The following TEX14 variants were observed in gnomAD, a reference collection of about 807,000 sequenced individuals.
TEX14 encodes inactive serine/threonine-protein kinase TEX14.
TEX14 carries 168 observed loss-of-function variants against 178.6 expected under a neutral mutation model. That is an observed-to-expected ratio of 0.94 (90% CI 0.83 to 1.07). The LOEUF (loss-of-function observed/expected upper bound fraction) is 1.07, where lower values mean the gene tolerates loss of function less well. TEX14 is among the 50% of genes least tolerant of loss of function. The pLI, the probability that TEX14 is intolerant of heterozygous loss-of-function variation, is 0.00. For missense variants in TEX14, 1,730 were observed against 1,753.6 expected (o/e 0.99, Z 0.24); for synonymous variants, 626 against 634.1 (o/e 0.99, Z 0.19).
At chr17:58,606,546 G>T (rs2045611241) in intron 10 of TEX14, among the ~76,000 whole-genome samples, 1 of 152,102 alleles carries the variant, frequency 6.6e-6, no homozygotes, top group Non-Finnish European at 1.5e-5. Flanking sequence ...TCATGAAGGT[G>T]AAAAAGCTAG....
chr17:58,685,582 C>G (rs995913198), intron 1 of TEX14, among the ~76,000 whole-genome samples: 2 of 151,570 alleles, frequency 1.3e-5, no homozygotes, highest in Non-Finnish European at 2.9e-5. Flanking sequence ...GCCAAAGTAG[C>G]AGGAGTATAG....
chr17:58,589,549 C>G (rs2045071020), intron 15 of TEX14, among the ~76,000 whole-genome samples: 1 of 122,116 alleles, frequency 8.2e-6, no homozygotes, highest in South Asian at 3.1e-4. Context: ...CAGTGCGAGA[C>G]TCCGTCTCAA....
At chr17:58,680,222 C>A (rs966029791) in intron 1 of TEX14, among the ~76,000 whole-genome samples, 1 of 151,982 alleles carries the variant, frequency 6.6e-6, no homozygotes, top group Admixed American at 6.6e-5. Context: ...GGCTTTCTTG[C>A]GCAGTTAAAC....
chr17:58,563,609 C>A (rs1200384630), intron 28 of TEX14, among the ~76,000 whole-genome samples: 3 of 108,800 alleles, frequency 2.8e-5, no homozygotes, highest in African/African-American at 1.1e-4. Flanking sequence ...CAACATAAAG[C>A]CCATCTCTAA....
chr17:58,688,804 T>TC (rs2047643668), intron 1 of TEX14, among the ~76,000 whole-genome samples: 1 of 152,118 alleles, frequency 6.6e-6, no homozygotes, highest in Admixed American at 6.6e-5. Flanking sequence ...CAAAACATAT[T>TC]CCCGGGGGGG....
chr17:58,648,156 C>T (rs2046756852), intron 2 of TEX14: 1 of 152,268 alleles, frequency 6.6e-6, no homozygotes, highest in South Asian at 2.1e-4. Flanking sequence ...GAGGCAATGG[C>T]CTTCATACTC....
At chr17:58,628,821 G>A (rs944247613) in intron 3 of TEX14, among the ~76,000 whole-genome samples, 1 of 150,670 alleles carries the variant, frequency 6.6e-6, no homozygotes, top group African/African-American at 2.4e-5. Context: ...GGAGGCGGAG[G>A]TTGCAGTGAG....
chr17:58,595,139 C>A (rs1292468522), intron 14 of TEX14, among the ~76,000 whole-genome samples: 3 of 151,986 alleles, frequency 2.0e-5, no homozygotes, highest in African/African-American at 7.3e-5. Flanking sequence ...AGAATATAAT[C>A]AAAATAGATA....
Position 58,564,890 on chromosome 17 carries a change from T to G in TEX14, c.4043A>C (p.Asp1348Ala), listed in dbSNP as rs2044364497. The G allele has an allele frequency of 1.2e-6, 2 of 1,603,058 alleles. No individual in the cohort carries two copies. The highest frequency in any genetic ancestry group is 1.7e-5 in the Admixed American group (1 of 58,600). The change falls in exon 28 of 32, where the codon GAT becomes GCT. Residue 1348 changes from aspartate to alanine, a missense_variant. Asp to Ala is a moderately radical substitution (Grantham distance 126). Coordinates refer to ENST00000349033, the MANE Select transcript of TEX14 (RefSeq NM_031272.5). ...TTACCTCTCTGTGTCCTCTCCAAGA[T>G]CTTCAGTTTCTTTGGACAAAAGCAT... ...SSMLLSKETE[D>A]LGEDTERAHS...
intron 26 of TEX14, among the ~76,000 whole-genome samples, chr17:58,567,076 A>G (rs1381372906): frequency 6.6e-6 from 1 of 152,146 alleles, no homozygotes; most frequent in Non-Finnish European, 1.5e-5. Flanking sequence ...CTGAGGCAGG[A>G]GAATTGCTTG....
At chr17:58,684,027 T>G (rs1262247232) in intron 1 of TEX14, among the ~76,000 whole-genome samples, 1 of 152,146 alleles carries the variant, frequency 6.6e-6, no homozygotes, top group Admixed American at 6.6e-5. Flanking sequence ...ATGGTGCCAC[T>G]GCACTCCAGC....
In TEX14 at chr17:58,569,189, T is replaced by C; in HGVS notation, c.3886+3A>G. ...AGTATATTCTGTATTGAACATCTCT[T>C]ACCAATGTCATCAAGTAGCTCCTGA... On this transcript the variant is annotated splice_donor_region_variant and intron_variant, in intron 26 of 31. Transcript: ENST00000349033. This position sits in a 1 kb window ranked among gnomAD's most constrained non-coding sequence, Gnocchi z 4.1. 1 of 1,612,740 alleles carries C rather than the reference T, an allele frequency of 6.2e-7. No homozygotes were observed. Among genetic ancestry groups the C allele is most frequent in the African/African-American group, 1.3e-5 (1 of 75,012 alleles).
At chr17:58,660,835 T>C in intron 1 of TEX14, 2 of 786,216 alleles carry the variant, frequency 2.5e-6, no homozygotes, top group South Asian at 2.7e-5. Context: ...CGCCAAATAC[T>C]TTGGCTTGCG....
At chr17:58,687,029 A>G (rs921298842) in intron 1 of TEX14, among the ~76,000 whole-genome samples, 7 of 151,810 alleles carry the variant, frequency 4.6e-5, no homozygotes, top group African/African-American at 1.7e-4. Context: ...GCCCACCACC[A>G]CACCTGTAGG....
chr17:58,594,080 A>G (rs1361916351), intron 14 of TEX14, among the ~76,000 whole-genome samples: 1 of 151,812 alleles, frequency 6.6e-6, no homozygotes, highest in Non-Finnish European at 1.5e-5. Flanking sequence ...TGATCCACCC[A>G]CCTCGGCCTC....
At chr17:58,587,295 A>C (rs1302677112) in intron 17 of TEX14, among the ~76,000 whole-genome samples, 1 of 152,108 alleles carries the variant, frequency 6.6e-6, no homozygotes, top group East Asian at 1.9e-4. Flanking sequence ...GTGAGGACTT[A>C]TTGTATTGTG....
intron 19 of TEX14, chr17:58,581,760 G>C (rs1287090292): frequency 6.2e-7 from 1 of 1,602,388 alleles, no homozygotes; most frequent in Non-Finnish European, 8.5e-7. Flanking sequence ...TCACTTTTAA[G>C]TTGCTGTTCA....
intron 1 of TEX14, among the ~76,000 whole-genome samples, chr17:58,663,213 G>A (rs1478978416): frequency 4.6e-5 from 7 of 151,652 alleles, no homozygotes; most frequent in Non-Finnish European, 7.4e-5. Context: ...ACCTGAGGTC[G>A]GGAGTTCAAG....
intron 13 of TEX14, 52 bp downstream of exon 13, chr17:58,601,754 T>A: frequency 6.4e-7 from 1 of 1,559,962 alleles, no homozygotes; most frequent in Non-Finnish European, 8.8e-7. Flanking sequence ...CTCATGTGAC[T>A]CTCAGAACAC....
Sources: allele counts gnomAD v4.1 joint callset (sites outside exome capture counted in the v4.1 genomes callset), GRCh38; gene constraint gnomAD v4.1.1; non-coding constraint Gnocchi (gnomAD v3.1); transcripts MANE v1.5; gene names NCBI Gene and HGNC (gene_info 2026-07-23, HGNC 2026-07-21).